The following PLEKHH1 variants were observed in gnomAD, a reference collection of about 807,000 sequenced individuals.
PLEKHH1 encodes pleckstrin homology domain-containing family H member 1.
Under a neutral mutation model 160.0 loss-of-function variants are expected in PLEKHH1, and 104 were observed. The observed-to-expected ratio is 0.65, with a 90% CI of 0.55 to 0.76. The LOEUF is 0.76. Ranked by LOEUF, PLEKHH1 falls within the 30% of genes least tolerant of loss-of-function variation. The pLI is 0.00. For missense variants in PLEKHH1, 1,427 were observed against 1,724.1 expected, an observed-to-expected ratio of 0.83 and a Z score of 3.05; for synonymous variants, 619 against 678.4, an observed-to-expected ratio of 0.91 and a Z score of 1.36.
intron 4 of PLEKHH1, among the ~76,000 whole-genome samples, chr14:67,558,729 T>C (rs566693416): frequency 2.6e-5 from 4 of 152,332 alleles, no homozygotes; most frequent in African/African-American, 9.6e-5. Context: ...GCCATAGCCT[T>C]AGTTGCCACA....
chr14:67,567,306 T>C (rs1297116385), intron 7 of PLEKHH1, among the ~76,000 whole-genome samples: 4 of 152,178 alleles, frequency 2.6e-5, no homozygotes, highest in Non-Finnish European at 5.9e-5. Flanking sequence ...TACTTATGTA[T>C]CTTAGAGTTT....
rs1382962813 is a variant in PLEKHH1 at position 67,574,771 on chromosome 14, G to C, written c.2088+368G>C. On this transcript the variant is annotated intron_variant, in intron 14 of 28. Transcript: ENST00000329153. The surrounding 1 kb of genome is among the most constrained non-coding windows in gnomAD (Gnocchi z 4.2). ...AGGTATGGCTCCTCAAAGACTTAAAGTATCCCAGGCCTGCCCTAAAGACAT... is the reference window on the plus strand; with the variant it reads ...AGGTATGGCTCCTCAAAGACTTAAACTATCCCAGGCCTGCCCTAAAGACAT... Among the ~76,000 whole-genome samples the C allele has an allele frequency of 1.3e-5, 2 of 152,002 alleles. No homozygotes were observed. Among genetic ancestry groups the C allele is most frequent in the African/African-American group, 2.4e-5 (1 of 41,396 alleles).
At chr14:67,575,562 C>G (rs531044329) in intron 15 of PLEKHH1, 90 bp downstream of exon 15, 1 of 824,898 alleles carries the variant, frequency 1.2e-6, no homozygotes, top group East Asian at 2.6e-5. Flanking sequence ...GTCCCTACCC[C>G]ACGTAACCCC....
At chr14:67,553,444 G>A (rs1358146828) in intron 2 of PLEKHH1, among the ~76,000 whole-genome samples, 3 of 152,070 alleles carry the variant, frequency 2.0e-5, no homozygotes, top group Non-Finnish European at 4.4e-5. Context: ...AGGATCCTGG[G>A]GCAGCTCACA....
chr14:67,576,055 G>T lies in PLEKHH1; in HGVS notation c.2352+50G>T. ...GGGCCAAGCTTGGACCTGTGATTCTGATCTTCCCTTCTCTCTTTCTCCTGA... is the reference window on the plus strand; with the variant it reads ...GGGCCAAGCTTGGACCTGTGATTCTTATCTTCCCTTCTCTCTTTCTCCTGA... On this transcript the variant is annotated intron_variant, in intron 16 of 28. Transcript: ENST00000329153. The surrounding 1 kb of genome is among the most constrained non-coding windows in gnomAD (Gnocchi z 4.0). 1 of 1,405,664 alleles carries T rather than the reference G, an allele frequency of 7.1e-7. No individual in the cohort carries two copies. The allele number at this position is 1,405,664 out of a possible 1,614,324, so 87.1% of individuals were successfully genotyped here.
chr14:67,534,939 A>G (rs990445759), intron 1 of PLEKHH1, among the ~76,000 whole-genome samples: 10 of 152,250 alleles, frequency 6.6e-5, no homozygotes, highest in African/African-American at 2.2e-4. Flanking sequence ...ATTGTTTAGC[A>G]AAAGGTTGGA....
chr14:67,570,680 C>T (rs557292066), intron 9 of PLEKHH1: 1 of 152,270 alleles, frequency 6.6e-6, no homozygotes, highest in East Asian at 1.9e-4. Context: ...TGCTTGTTCC[C>T]CTAACCACGT....
In PLEKHH1 at chr14:67,571,734, G is replaced by A; in HGVS notation, c.1435-18G>A. 6.2e-7 allele frequency: 1 copy of A among 1,606,416 alleles called. No individual in the cohort carries two copies. Among genetic ancestry groups the A allele is most frequent in the Non-Finnish European group, 8.5e-7 (1 of 1,173,630 alleles). On this transcript the variant is annotated intron_variant, in intron 9 of 28. Coordinates refer to ENST00000329153, the MANE Select transcript of PLEKHH1 (RefSeq NM_020715.3). ...TTTTGCAGCCTGAGCTGCAGTGAGG[G>A]AGGGGCCTGTCTTGCAGAGAGCTAC...
chr14:67,567,724 G>T (rs2035174395), intron 7 of PLEKHH1, among the ~76,000 whole-genome samples: 1 of 152,048 alleles, frequency 6.6e-6, no homozygotes, highest in Non-Finnish European at 1.5e-5. Context: ...CACCCTGATA[G>T]GCACCCACCT....
In PLEKHH1 at chr14:67,562,304, A is replaced by T. The variant is rs1230584550; in HGVS notation, c.673A>T (p.Ser225Cys). 1 of 1,613,962 alleles carries T rather than the reference A, an allele frequency of 6.2e-7. No individual in the cohort carries two copies. Among genetic ancestry groups the T allele is most frequent in the Admixed American group, 1.7e-5 (1 of 60,028 alleles). The change falls in exon 7 of 29, where the codon AGC (serine) becomes TGC (cysteine). Residue 225 changes from serine to cysteine, a missense_variant. This residue lies in a region of PLEKHH1 where 831 missense variants were observed against 929.2 expected (regional missense o/e 0.89). Transcript: ENST00000329153. ...VLAPSPGALQ[S>C]KDSVSEAASP... The stretch of plus-strand genomic sequence containing the variant: ...TGCACCTTCCCCAGGTGCCCTGCAG[A>T]GCAAGGACTCTGTTTCTGAAGCAGC...
intron 4 of PLEKHH1, among the ~76,000 whole-genome samples, chr14:67,557,664 C>T (rs2034650341): frequency 6.6e-6 from 1 of 152,224 alleles, no homozygotes; most frequent in South Asian, 2.1e-4. Flanking sequence ...GTGTGAAGCC[C>T]ACCTCTAGCA....
At position 67,575,416 on chromosome 14, in the gene PLEKHH1, G is replaced by T; in HGVS notation, c.2113G>T (p.Val705Phe). ...GGTAAAGCATGGCCACTCCAAGGTGGTCTGGTGCGCTCTTGTTGGGAAAAT... is the reference window on the plus strand; with the variant it reads ...GGTAAAGCATGGCCACTCCAAGGTGTTCTGGTGCGCTCTTGTTGGGAAAAT... ...TKVKHGHSKV[V>F]WCALVGKIFY... Residue 705 changes from valine to phenylalanine, a missense_variant, in exon 15 of 29, where the codon GTC becomes TTC. Physicochemically the swap from Val to Phe is conservative, Grantham distance 50. Coordinates refer to ENST00000329153, the MANE Select transcript of PLEKHH1 (RefSeq NM_020715.3). 6.2e-7 allele frequency: 1 copy of T among 1,609,856 alleles called. No individual in the cohort carries two copies. The highest frequency in any genetic ancestry group is 1.3e-5 in the African/African-American group (1 of 74,990).
intron 2 of PLEKHH1, among the ~76,000 whole-genome samples, chr14:67,554,070 TC>T (rs894222879): frequency 6.6e-6 from 1 of 152,106 alleles, no homozygotes; most frequent in African/African-American, 2.4e-5. Context: ...TAACTCTCTG[TC>T]CAAGGGAATG....
intron 1 of PLEKHH1, among the ~76,000 whole-genome samples, chr14:67,534,966 A>C (rs1387077945): frequency 6.6e-6 from 1 of 152,240 alleles, no homozygotes; most frequent in Non-Finnish European, 1.5e-5. Context: ...CTAGATGTCC[A>C]TCAATAAGGA....
rs901217882 is a variant in PLEKHH1, at chr14:67,574,657, T to C, written c.2088+254T>C. On this transcript the variant is annotated intron_variant, in intron 14 of 28. Coordinates refer to ENST00000329153, the MANE Select transcript of PLEKHH1 (RefSeq NM_020715.3). This position sits in a 1 kb window ranked among gnomAD's most constrained non-coding sequence, Gnocchi z 4.2. Reference sequence around the variant, plus strand: ...AGAGAAGGGAAGGGACTATCTTGTATCCATTTTGAGGTCATTAGGGGCTGT... The same window carrying C: ...AGAGAAGGGAAGGGACTATCTTGTACCCATTTTGAGGTCATTAGGGGCTGT... Among the ~76,000 whole-genome samples the C allele has an allele frequency of 1.3e-5, 2 of 152,126 alleles. No individual in the cohort carries two copies. Among genetic ancestry groups the C allele is most frequent in the Non-Finnish European group, 2.9e-5 (2 of 68,014 alleles).
At chr14:67,583,267 C>T (rs1157350409) in intron 24 of PLEKHH1, among the ~76,000 whole-genome samples, 1 of 152,006 alleles carries the variant, frequency 6.6e-6, no homozygotes, top group Non-Finnish European at 1.5e-5. Flanking sequence ...GTTTTTATTC[C>T]CACCTAATAG....
chr14:67,576,611 C>A lies in PLEKHH1; in HGVS notation c.2461+108C>A. On this transcript the variant is annotated intron_variant, in intron 17 of 28. Coordinates refer to ENST00000329153, the MANE Select transcript of PLEKHH1 (RefSeq NM_020715.3). The surrounding 1 kb of genome is among the most constrained non-coding windows in gnomAD (Gnocchi z 4.0). ...TTGTACCCTGAAGCTGTTTTTAAAACATCTAAGCCACAGAGGGGAAGTTCC... is the reference window on the plus strand; with the variant it reads ...TTGTACCCTGAAGCTGTTTTTAAAAAATCTAAGCCACAGAGGGGAAGTTCC... The A allele has an allele frequency of 1.7e-6, 1 of 595,742 alleles. No homozygotes were observed. The highest frequency in any genetic ancestry group is 3.0e-6 in the Non-Finnish European group (1 of 332,108). 36.9% of individuals were successfully genotyped at this position (595,742 alleles called of 1,614,324 possible).
chr14:67,549,234 G>C (rs904226440), intron 2 of PLEKHH1, among the ~76,000 whole-genome samples: 2 of 151,694 alleles, frequency 1.3e-5, no homozygotes, highest in Admixed American at 6.6e-5. Context: ...TATTCTGTGG[G>C]GTGTGTGTGC....
intron 2 of PLEKHH1, among the ~76,000 whole-genome samples, chr14:67,546,744 G>A (rs2034197488): frequency 6.6e-6 from 1 of 152,156 alleles, no homozygotes; most frequent in Non-Finnish European, 1.5e-5. Context: ...ATGCGTGCCT[G>A]TAGTCCCAGT....
Sources: gnomAD v4.1 joint callset for allele counts (sites outside exome capture counted in the v4.1 genomes callset) on GRCh38, gnomAD v4.1.1 for gene constraint, gnomAD v4.1.1 regional missense constraint, Gnocchi (gnomAD v3.1) non-coding constraint, MANE v1.5 for transcripts, NCBI Gene and HGNC (gene_info 2026-07-23, HGNC 2026-07-21) for gene names.